DAB1: variants seen among roughly 807,000 people sequenced by gnomAD.
DAB1 encodes DAB adaptor protein 1, also known as disabled homolog 1.
In DAB1, 15 loss-of-function variants were observed where a neutral mutation model predicts 64.6. The observed-to-expected ratio is 0.23, with a 90% CI of 0.16 to 0.36. The LOEUF is 0.36. DAB1 is among the 10% of genes least tolerant of loss of function. The probability of loss-of-function intolerance (pLI) is 1.00; values close to 1 mark genes in which losing one functional copy is unlikely to be tolerated. For missense variants in DAB1, 596 were observed against 706.7 expected, an observed-to-expected ratio of 0.84 and a Z score of 1.78; for synonymous variants, 235 against 251.9, an observed-to-expected ratio of 0.93 and a Z score of 0.64.
At chr1:58,539,854 C>G (rs544837521) in intron 1 of DAB1, among the ~76,000 whole-genome samples, 1 of 152,018 alleles carries the variant, frequency 6.6e-6, no homozygotes, top group Non-Finnish European at 1.5e-5. Context: ...TCCCCTAAAT[C>G]GAAGAGATAA....
At chr1:57,769,203 G>A (rs1252288497) in intron 6 of DAB1, among the ~76,000 whole-genome samples, 3 of 152,130 alleles carry the variant, frequency 2.0e-5, no homozygotes, top group Non-Finnish European at 4.4e-5. Context: ...CTTCTTTAAT[G>A]GAAAAGGAAA....
intron 7 of DAB1, among the ~76,000 whole-genome samples, chr1:57,476,261 AAAC>A (rs1643936274): frequency 6.6e-6 from 1 of 151,780 alleles, no homozygotes; most frequent in African/African-American, 2.4e-5. Flanking sequence ...AAACAAAAAA[AAAC>A]CAGTATAGTC....
intron 5 of DAB1, among the ~76,000 whole-genome samples, chr1:58,001,042 C>T (rs1373180699): frequency 6.6e-6 from 1 of 151,926 alleles, no homozygotes; most frequent in Non-Finnish European, 1.5e-5. Context: ...CTTTTCTTCA[C>T]TTTTTTCTAA....
intron 5 of DAB1, among the ~76,000 whole-genome samples, chr1:58,081,260 C>A (rs1287779001): frequency 6.6e-6 from 1 of 152,170 alleles, no homozygotes; most frequent in Non-Finnish European, 1.5e-5. Flanking sequence ...AGGAATAATG[C>A]CCATGTCAGT....
intron 3 of DAB1, among the ~76,000 whole-genome samples, chr1:58,353,755 G>A (rs995645817): frequency 6.6e-6 from 1 of 152,018 alleles, no homozygotes; most frequent in South Asian, 2.1e-4. Flanking sequence ...ATTACAATGT[G>A]TTTTATCTAC....
At chr1:58,098,232 G>A (rs377503472) in intron 5 of DAB1, among the ~76,000 whole-genome samples, 1 of 152,104 alleles carries the variant, frequency 6.6e-6, no homozygotes, top group Non-Finnish European at 1.5e-5. Flanking sequence ...ACTCAAATTG[G>A]GTAACACGAA....
chr1:57,454,316 A>T (rs1333881389), intron 7 of DAB1, among the ~76,000 whole-genome samples: 2 of 152,204 alleles, frequency 1.3e-5, no homozygotes, highest in Non-Finnish European at 2.9e-5. Flanking sequence ...ATGGCATACT[A>T]TGCAGTCATA....
At chr1:58,400,793 T>A (rs190129579) in intron 3 of DAB1, among the ~76,000 whole-genome samples, 3 of 152,358 alleles carry the variant, frequency 2.0e-5, no homozygotes, top group Admixed American at 2.0e-4. Flanking sequence ...TATATAAGTA[T>A]AATTCTCTGA....
chr1:57,066,082 C>G (rs1182402527), intron 8 of DAB1, among the ~76,000 whole-genome samples: 4 of 152,010 alleles, frequency 2.6e-5, no homozygotes, highest in African/African-American at 9.7e-5. Context: ...CAGTTCCAGG[C>G]TTTGTTGGGT....
chr1:57,864,177 C>T (rs1021134079), intron 1 of DAB1, among the ~76,000 whole-genome samples: 1 of 152,134 alleles, frequency 6.6e-6, no homozygotes, highest in Non-Finnish European at 1.5e-5. Context: ...CTGAGTGAAC[C>T]AAGCATGTGT....
At chr1:57,077,334 C>T (rs72905232) in intron 4 of DAB1, among the ~76,000 whole-genome samples, 4,522 of 152,222 alleles carry the variant, frequency 0.03, 128 homozygotes, top group African/African-American at 0.073. Flanking sequence ...ATCTTACCCC[C>T]GCTCCTAATA....
At chr1:57,457,619 T>C (rs753223620) in intron 7 of DAB1, among the ~76,000 whole-genome samples, 1 of 152,070 alleles carries the variant, frequency 6.6e-6, no homozygotes, top group South Asian at 2.1e-4. Flanking sequence ...GAAGAGAGGA[T>C]GGACGGAGGT....
chr1:57,812,918 A>G (rs1040629373), intron 6 of DAB1, among the ~76,000 whole-genome samples: 13 of 152,318 alleles, frequency 8.5e-5, no homozygotes, highest in Admixed American at 7.8e-4. Flanking sequence ...GAGTCTAGAC[A>G]GATTGTTTCA....
At chr1:57,261,927 A>G (rs1204164444) in intron 2 of DAB1, among the ~76,000 whole-genome samples, 2 of 152,190 alleles carry the variant, frequency 1.3e-5, no homozygotes, top group Non-Finnish European at 2.9e-5. Flanking sequence ...TTTATTTGTT[A>G]TTTATCATTC....
At chr1:57,967,700 G>T (rs373610430) in intron 5 of DAB1, among the ~76,000 whole-genome samples, 1 of 151,906 alleles carries the variant, frequency 6.6e-6, no homozygotes, top group African/African-American at 2.4e-5. Context: ...CTTTACAGGG[G>T]GGTTGTGAGG....
chr1:57,793,073 A>G (rs1026999037), intron 6 of DAB1, among the ~76,000 whole-genome samples: 10 of 152,300 alleles, frequency 6.6e-5, no homozygotes, highest in Middle Eastern at 3.4e-3. Context: ...CCATAATCTG[A>G]GCTTAGTGGT....
At chr1:58,149,478 G>T (rs913772417) in intron 5 of DAB1, among the ~76,000 whole-genome samples, 1 of 152,160 alleles carries the variant, frequency 6.6e-6, no homozygotes, top group African/African-American at 2.4e-5. Context: ...CTTAGTGATA[G>T]TTACCCTGAC....
At chr1:57,203,459 A>G (rs544332477) in intron 2 of DAB1, among the ~76,000 whole-genome samples, 31 of 152,256 alleles carry the variant, frequency 2.0e-4, no homozygotes, top group African/African-American at 6.7e-4. Flanking sequence ...GGTTTTGGTG[A>G]GTGGGAACCA....
intron 5 of DAB1, among the ~76,000 whole-genome samples, chr1:58,021,576 A>G (rs983056351): frequency 1.3e-5 from 2 of 152,324 alleles, no homozygotes; most frequent in East Asian, 3.9e-4. Context: ...GCTTACATGG[A>G]AAAATAAGAG....
Sources: gnomAD v4.1 joint callset for allele counts (sites outside exome capture counted in the v4.1 genomes callset) on GRCh38, gnomAD v4.1.1 for gene constraint, MANE v1.5 for transcripts, NCBI Gene and HGNC (gene_info 2026-07-23, HGNC 2026-07-21) for gene names.